The following WDPCP variants were observed in gnomAD, a reference collection of about 807,000 sequenced individuals.
WDPCP encodes the protein WD repeat-containing and planar cell polarity effector protein fritz homolog.
Under a neutral mutation model 93.1 loss-of-function variants are expected in WDPCP, and 71 were observed. The observed-to-expected ratio is 0.76, with a 90% CI of 0.63 to 0.93. WDPCP has a LOEUF of 0.93. Among genes scored for constraint, WDPCP ranks in the 40% least tolerant of loss-of-function variants. The probability of loss-of-function intolerance (pLI) is 0.00; values close to 1 mark genes in which losing one functional copy is unlikely to be tolerated. For synonymous variants in WDPCP, 315 were observed against 315.0 expected (o/e 1.00, Z 0.00); for missense variants, 844 against 887.4 (o/e 0.95, Z 0.62).
chr2:63,838,602 T>A, the WDPCP span, among the ~76,000 whole-genome samples: 1 of 150,962 alleles, frequency 6.6e-6, no homozygotes, highest in Non-Finnish European at 1.5e-5. Context: ...AAAGGTAAAA[T>A]CTATAAATCT....
In WDPCP at chr2:63,459,473, G is replaced by C. The variant is rs369186168; in HGVS notation, c.385-19602C>G. ...AGAGGTATATGACTAACACCACAAT[G>C]TGATTTCATCTCACCCCAGTTAGAA... On this transcript the variant is annotated intron_variant, in intron 6 of 17. Coordinates refer to ENST00000272321, the MANE Select transcript of WDPCP (RefSeq NM_015910.7). 1.1e-4 allele frequency among the ~76,000 whole-genome samples: 16 copies of C among 152,222 alleles called. No homozygotes were observed. In the East Asian group the frequency reaches 1.9e-3, roughly 18 times the overall value.
intron 6 of WDPCP, among the ~76,000 whole-genome samples, chr2:63,452,457 G>A (rs1422060158): frequency 6.6e-6 from 1 of 152,150 alleles, no homozygotes; most frequent in African/African-American, 2.4e-5. Flanking sequence ...ACAAACAAAT[G>A]AAAGAACATT....
chr2:63,684,461 G>A (rs1219707732), intron 2 of WDPCP: 2 of 795,372 alleles, frequency 2.5e-6, no homozygotes, highest in Non-Finnish European at 4.5e-6. Context: ...CCCCCGCAAA[G>A]TGATAGCTGT....
At chr2:63,600,734 A>G (rs1199972181) in intron 3 of WDPCP, among the ~76,000 whole-genome samples, 1 of 152,146 alleles carries the variant, frequency 6.6e-6, no homozygotes, top group African/African-American at 2.4e-5. Flanking sequence ...ATATTCCCTG[A>G]GAGGCTATAG....
chr2:63,400,740 A>G (rs1694086753), intron 10 of WDPCP, among the ~76,000 whole-genome samples: 2 of 152,196 alleles, frequency 1.3e-5, no homozygotes, highest in South Asian at 2.1e-4. Flanking sequence ...ACTTCAAACT[A>G]TACTAAAGGC....
intron 2 of WDPCP, among the ~76,000 whole-genome samples, chr2:63,795,378 A>C (rs1480156999): frequency 6.6e-6 from 1 of 152,056 alleles, no homozygotes; most frequent in East Asian, 1.9e-4. Context: ...AAGAATAAGA[A>C]TGTTGAGCCA....
At chr2:63,191,360 C>G (rs1365165649) in intron 14 of WDPCP, among the ~76,000 whole-genome samples, 2 of 151,960 alleles carry the variant, frequency 1.3e-5, no homozygotes, top group African/African-American at 4.8e-5. Flanking sequence ...CCACTGCACT[C>G]CAGCCTGGGT....
At chr2:63,134,473 C>T (rs1349598095) in intron 17 of WDPCP, among the ~76,000 whole-genome samples, 4 of 152,174 alleles carry the variant, frequency 2.6e-5, no homozygotes, top group African/African-American at 9.6e-5. Flanking sequence ...TATGCATACA[C>T]AAACACCCAC....
At chr2:63,787,353 C>T (rs1436194224) in intron 2 of WDPCP, among the ~76,000 whole-genome samples, 4 of 148,534 alleles carry the variant, frequency 2.7e-5, no homozygotes, top group South Asian at 2.1e-4. Flanking sequence ...AAGCAAAGTG[C>T]GCTTAAGCAA....
chr2:63,467,767 C>A (rs971910953), intron 6 of WDPCP, among the ~76,000 whole-genome samples: 1 of 102,814 alleles, frequency 9.7e-6, no homozygotes, highest in Non-Finnish European at 1.8e-5. Context: ...CAGAGCAAGA[C>A]TCAGTCTCCA....
intron 14 of WDPCP, among the ~76,000 whole-genome samples, chr2:63,226,002 T>A (rs1678261606): frequency 6.6e-6 from 1 of 151,834 alleles, no homozygotes; most frequent in African/African-American, 2.4e-5. Context: ...ATTCTTTGAG[T>A]TGAACACTTA....
intron 1 of WDPCP, among the ~76,000 whole-genome samples, chr2:63,580,774 T>TA (rs760824576): frequency 6.6e-6 from 1 of 152,216 alleles, no homozygotes; most frequent in Non-Finnish European, 1.5e-5. Flanking sequence ...GAGAGTATAT[T>TA]AGATACTTGT....
chr2:63,456,824 C>A (rs1025721317), intron 6 of WDPCP, among the ~76,000 whole-genome samples: 1 of 152,080 alleles, frequency 6.6e-6, no homozygotes, highest in Non-Finnish European at 1.5e-5. Flanking sequence ...CCAGCCTGGG[C>A]AACATGGCAA....
upstream of WDPCP, among the ~76,000 whole-genome samples, chr2:63,829,302 T>A (rs1054085036): frequency 6.6e-6 from 1 of 152,188 alleles, no homozygotes; most frequent in Non-Finnish European, 1.5e-5. Flanking sequence ...GGCAACCTAC[T>A]AAATTGATTT....
chr2:63,342,069 C>T (rs574140622), intron 12 of WDPCP, among the ~76,000 whole-genome samples: 1 of 152,248 alleles, frequency 6.6e-6, no homozygotes, highest in African/African-American at 2.4e-5. Context: ...CACCTGAGAG[C>T]ATCAGGAATT....
intron 1 of WDPCP, among the ~76,000 whole-genome samples, chr2:63,539,694 T>A (rs974642889): frequency 6.6e-6 from 1 of 151,968 alleles, no homozygotes; most frequent in Non-Finnish European, 1.5e-5. Context: ...TCAAAAAAAA[T>A]AATAAAAAAA....
rs541126869 is a variant in WDPCP, at chr2:63,140,513, G to A, written c.2190+12401C>T. ...TCAGCAGTGTTTTGTAGTTTTCCTT[G>A]TAGAGGTCTTTCAACTCCTTGGTTA... On this transcript the variant is annotated intron_variant, in intron 17 of 17. Coordinates refer to ENST00000272321, the MANE Select transcript of WDPCP (RefSeq NM_015910.7). Among the ~76,000 whole-genome samples, 3 of 149,916 alleles carry A rather than the reference G, an allele frequency of 2.0e-5. No homozygotes were observed. In the East Asian group the frequency reaches 5.9e-4, roughly 29 times the overall value.
At chr2:63,197,565 A>G (rs1675542374) in intron 14 of WDPCP, among the ~76,000 whole-genome samples, 2 of 152,254 alleles carry the variant, frequency 1.3e-5, no homozygotes, top group African/African-American at 2.4e-5. Context: ...CTACCTATTG[A>G]AGTACATCCT....
chr2:63,288,991 A>G (rs894575894), intron 13 of WDPCP, among the ~76,000 whole-genome samples: 9 of 152,156 alleles, frequency 5.9e-5, no homozygotes, highest in Non-Finnish European at 7.4e-5. Context: ...TCTTACTGCA[A>G]TATATGAGGT....
Sources: allele counts gnomAD v4.1 joint callset (sites outside exome capture counted in the v4.1 genomes callset), GRCh38; gene constraint gnomAD v4.1.1; transcripts MANE v1.5; gene names NCBI Gene and HGNC (gene_info 2026-07-23, HGNC 2026-07-21).